The following FAR1 variants were observed in gnomAD, a reference collection of about 807,000 sequenced individuals.
FAR1 encodes male sterility domain-containing protein 2.
Under a neutral mutation model 61.1 loss-of-function variants are expected in FAR1, and 22 were observed. The observed-to-expected ratio is 0.36, with a 90% CI of 0.26 to 0.51. The LOEUF (loss-of-function observed/expected upper bound fraction) is 0.51, where lower values mean the gene tolerates loss of function less well. Ranked by LOEUF, FAR1 falls within the 20% of genes least tolerant of loss-of-function variation. The pLI is 0.95. For synonymous variants in FAR1, 206 were observed against 209.7 expected, an observed-to-expected ratio of 0.98 and a Z score of 0.15; for missense variants, 359 against 626.9, an observed-to-expected ratio of 0.57 and a Z score of 4.56.
At chr11:13,709,832 T>TA (rs1416608910) in intron 4 of FAR1, among the ~76,000 whole-genome samples, 1 of 152,098 alleles carries the variant, frequency 6.6e-6, no homozygotes, top group African/African-American at 2.4e-5. Context: ...ATCATTAGAG[T>TA]ATGACAATAT....
intron 1 of FAR1, among the ~76,000 whole-genome samples, chr11:13,671,387 A>G (rs890167919): frequency 3.3e-5 from 5 of 152,242 alleles, no homozygotes; most frequent in South Asian, 2.1e-4. Flanking sequence ...AACCAAGGCT[A>G]TGTTGCAGCT....
intron 1 of FAR1, among the ~76,000 whole-genome samples, chr11:13,688,570 A>C (rs1036819748): frequency 6.6e-6 from 1 of 152,178 alleles, no homozygotes; most frequent in Non-Finnish European, 1.5e-5. Flanking sequence ...TCCCTGTCTT[A>C]CATGCATATG....
At position 13,731,109 on chromosome 11, in the gene FAR1, T is replaced by C. The variant is rs1054175234; in HGVS notation, c.*2335T>C. 17 of 152,452 alleles carry C rather than the reference T, an allele frequency of 1.1e-4. No homozygotes were observed. Among genetic ancestry groups the C allele is most frequent in the African/African-American group, 3.9e-4 (16 of 41,472 alleles). The allele number at this position is 152,452 out of a possible 1,614,324, so 9.4% of individuals were successfully genotyped here. A position where few individuals can be genotyped will look rare whatever the true frequency, so the allele number is the denominator to read the frequency against. On this transcript the variant is annotated 3_prime_UTR_variant, in exon 12 of 12. Coordinates refer to ENST00000354817, the MANE Select transcript of FAR1 (RefSeq NM_032228.6). The stretch of plus-strand genomic sequence containing the variant: ...TAACTCATTTGATTAAACTGTATTC[T>C]AAAACATTTGGGGTTTTTCCCCCTA...
chr11:13,698,791 A>C (rs1054769099), intron 2 of FAR1, among the ~76,000 whole-genome samples: 1 of 151,596 alleles, frequency 6.6e-6, no homozygotes, highest in Non-Finnish European at 1.5e-5. Context: ...AGATCGCACC[A>C]CTGCACTCCA....
At chr11:13,687,316 T>C (rs1848197911) in intron 1 of FAR1, among the ~76,000 whole-genome samples, 1 of 152,210 alleles carries the variant, frequency 6.6e-6, no homozygotes. Flanking sequence ...CTAAAGCAGC[T>C]CAAGAACAGT....
chr11:13,672,697 C>T (rs527429734), intron 1 of FAR1, among the ~76,000 whole-genome samples: 1 of 152,126 alleles, frequency 6.6e-6, no homozygotes, highest in African/African-American at 2.4e-5. Flanking sequence ...TTGGTAAGAG[C>T]CACCTTGGTA....
At chr11:13,707,808 GTCTC>G (rs1478111930) in intron 3 of FAR1, 88 bp from the exon 4 acceptor site, 10 of 920,282 alleles carry the variant, frequency 1.1e-5, no homozygotes, top group East Asian at 3.2e-5. Flanking sequence ...AAATTTCTCT[GTCTC>G]TCTACTTCTC....
At chr11:13,700,550 T>G in intron 3 of FAR1, 58 bp downstream of exon 3, 3 of 1,100,544 alleles carry the variant, frequency 2.7e-6, no homozygotes, top group Non-Finnish European at 3.7e-6. Flanking sequence ...AAAAATCTCA[T>G]TTTAATTCTA....
intron 3 of FAR1, among the ~76,000 whole-genome samples, chr11:13,702,050 T>G (rs1848381888): frequency 6.6e-6 from 1 of 152,204 alleles, no homozygotes; most frequent in African/African-American, 2.4e-5. Context: ...TCAGTTTGAC[T>G]GTCCATGGCA....
chr11:13,704,797 G>A (rs1848415923), intron 3 of FAR1, among the ~76,000 whole-genome samples: 1 of 152,126 alleles, frequency 6.6e-6, no homozygotes, highest in South Asian at 2.1e-4. Flanking sequence ...AGGGGCAGTA[G>A]GGTGGAAAAG....
chr11:13,711,294 TTAGGCAAAACC>T (rs1848496339), intron 5 of FAR1, among the ~76,000 whole-genome samples: 1 of 152,156 alleles, frequency 6.6e-6, no homozygotes, highest in African/African-American at 2.4e-5. Flanking sequence ...GTCAATTGAT[TTAGGCAAAACC>T]TAGGTCTGTG....
At chr11:13,723,503 T>C (rs531595126) in intron 10 of FAR1, 1 of 334,224 alleles carries the variant, frequency 3.0e-6, no homozygotes, top group Non-Finnish European at 5.8e-6. Context: ...ATTTTCTCTT[T>C]ATGTTTGCCG....
intron 3 of FAR1, among the ~76,000 whole-genome samples, chr11:13,706,608 A>G (rs990159831): frequency 3.3e-5 from 5 of 152,140 alleles, no homozygotes; most frequent in Admixed American, 3.3e-4. Context: ...ATTATCTCAC[A>G]TACTTTTTGT....
chr11:13,721,988 A>T lies in FAR1; in HGVS notation c.1257+129A>T. On this transcript the variant is annotated intron_variant, in intron 10 of 11. Coordinates refer to ENST00000354817, the MANE Select transcript of FAR1 (RefSeq NM_032228.6). This position sits in a 1 kb window ranked among gnomAD's most constrained non-coding sequence, Gnocchi z 4.2. ...AAGCCATTATTTATAGTCTCTCATA[A>T]AGCTTTAGTCATAATTGTTAGTGGT... 1 of 714,728 alleles carries T rather than the reference A, an allele frequency of 1.4e-6. No homozygotes were observed. The highest frequency in any genetic ancestry group is 3.0e-5 in the East Asian group (1 of 33,026). 44.3% of individuals were successfully genotyped at this position (714,728 alleles called of 1,614,324 possible).
intron 1 of FAR1, among the ~76,000 whole-genome samples, chr11:13,680,263 A>G (rs928401685): frequency 6.6e-6 from 1 of 152,008 alleles, no homozygotes; most frequent in African/African-American, 2.4e-5. Flanking sequence ...CTTTCAGGTG[A>G]GGTTTTCTTT....
intron 10 of FAR1, among the ~76,000 whole-genome samples, chr11:13,724,709 C>T (rs1028795879): frequency 6.6e-6 from 1 of 151,982 alleles, no homozygotes; most frequent in African/African-American, 2.4e-5. Flanking sequence ...ATTGTTTGAA[C>T]ATATCAAAAA....
intron 8 of FAR1, among the ~76,000 whole-genome samples, chr11:13,713,520 C>T (rs192932994): frequency 9.1e-4 from 138 of 152,226 alleles, no homozygotes; most frequent in African/African-American, 3.2e-3. Flanking sequence ...CACAGATTCA[C>T]AGCAGATATA....
At position 13,726,096 on chromosome 11, in the gene FAR1, T is replaced by C. The variant is rs1015333333; in HGVS notation, c.1258-1460T>C. Reference sequence around the variant, plus strand: ...TGATACTTTTATCCTTCTCTGATAGTGAAGGATCAGCATGTATCTGTTATT... The same window carrying C: ...TGATACTTTTATCCTTCTCTGATAGCGAAGGATCAGCATGTATCTGTTATT... On this transcript the variant is annotated intron_variant, in intron 10 of 11. Transcript: ENST00000354817. Among the ~76,000 whole-genome samples, 3 of 152,102 alleles carry C rather than the reference T, an allele frequency of 2.0e-5. No homozygotes were observed. The East Asian group carries it at 5.8e-4, about 29-fold the overall frequency.
chr11:13,706,029 T>C (rs1329953725), intron 3 of FAR1, among the ~76,000 whole-genome samples: 1 of 152,182 alleles, frequency 6.6e-6, no homozygotes, highest in Non-Finnish European at 1.5e-5. Context: ...GTTGGATTTT[T>C]TTCTTAAATA....
Sources: gnomAD v4.1 joint callset for allele counts (sites outside exome capture counted in the v4.1 genomes callset) on GRCh38, gnomAD v4.1.1 for gene constraint, Gnocchi (gnomAD v3.1) non-coding constraint, MANE v1.5 for transcripts, NCBI Gene and HGNC (gene_info 2026-07-23, HGNC 2026-07-21) for gene names.